Variants in PPFIBP2 observed in about 807,000 individuals in gnomAD.
The protein encoded by PPFIBP2 is PPFIB scaffold protein 2, also known as liprin-beta-2.
Under a neutral mutation model 118.3 loss-of-function variants are expected in PPFIBP2, and 118 were observed. The observed-to-expected ratio is 1.00, with a 90% CI of 0.86 to 1.16. The LOEUF is 1.16. PPFIBP2 is among the 50% of genes most tolerant of loss of function. The probability of loss-of-function intolerance (pLI) is 0.00; values close to 1 mark genes in which losing one functional copy is unlikely to be tolerated. For missense variants in PPFIBP2, 1,195 were observed against 1,073.1 expected (o/e 1.11, Z -1.59); for synonymous variants, 414 against 397.4 (o/e 1.04, Z -0.50).
chr11:7,624,018 C>T (rs1849663296), intron 7 of PPFIBP2, among the ~76,000 whole-genome samples: 1 of 152,172 alleles, frequency 6.6e-6, no homozygotes, highest in African/African-American at 2.4e-5. Context: ...AGGGACAGTG[C>T]TTCATTATGA....
At chr11:7,520,317 C>T (rs1346610159) in intron 1 of PPFIBP2, among the ~76,000 whole-genome samples, 2 of 152,076 alleles carry the variant, frequency 1.3e-5, no homozygotes, top group Admixed American at 6.6e-5. Context: ...ACGTGTCTTC[C>T]GGTTGGGGTG....
Position 7,593,232 on chromosome 11 carries a change from CT to C in PPFIBP2, c.372+13del, listed in dbSNP as rs1565019929. 6.2e-7 allele frequency: 1 copy of C among 1,613,352 alleles called. No homozygotes were observed. The highest frequency in any genetic ancestry group is 2.2e-5 in the East Asian group (1 of 44,864). On this transcript the variant is annotated intron_variant, in intron 4 of 23. Coordinates refer to ENST00000299492, the MANE Select transcript of PPFIBP2 (RefSeq NM_003621.5). ...GAGTCCCTCATATTGCAGGTGGGTA[CT>C]TTTTGGTGAGAATCGGCTTATCCTG...
At chr11:7,603,384 G>C (rs549617995) in intron 5 of PPFIBP2, among the ~76,000 whole-genome samples, 57 of 152,354 alleles carry the variant, frequency 3.7e-4, no homozygotes, top group African/African-American at 1.3e-3. Context: ...TCAAACTCGA[G>C]TTGACTACAA....
chr11:7,641,673 T>C, intron 16 of PPFIBP2, 53 bp downstream of exon 16: 4 of 1,567,286 alleles, frequency 2.6e-6, no homozygotes, highest in Non-Finnish European at 3.5e-6. Flanking sequence ...TTCTTTTTGA[T>C]TGGGCAAAGA....
chr11:7,656,141 C>T (rs1401493304), downstream of PPFIBP2, among the ~76,000 whole-genome samples: 1 of 152,158 alleles, frequency 6.6e-6, no homozygotes, highest in East Asian at 1.9e-4. Context: ...ATCCTCCTTG[C>T]CAGGCTTATA....
chr11:7,636,301 C>T (rs899745891), intron 14 of PPFIBP2, among the ~76,000 whole-genome samples: 7 of 141,692 alleles, frequency 4.9e-5, no homozygotes, highest in African/African-American at 1.9e-4. Flanking sequence ...TAAAATGGGG[C>T]ATCTCTGCTC....
chr11:7,626,210 C>T (rs1849983647), intron 8 of PPFIBP2, among the ~76,000 whole-genome samples: 1 of 152,164 alleles, frequency 6.6e-6, no homozygotes, highest in African/African-American at 2.4e-5. Context: ...AAATACCTAA[C>T]TCTTTCATTT....
chr11:7,556,296 G>A (rs111949948), intron 2 of PPFIBP2, among the ~76,000 whole-genome samples: 3,085 of 152,066 alleles, frequency 0.02, 83 homozygotes, highest in African/African-American at 0.067. Context: ...TCTACTAAAA[G>A]TACAAAAAAT....
intron 3 of PPFIBP2, among the ~76,000 whole-genome samples, chr11:7,580,718 T>C (rs1208794765): frequency 6.6e-6 from 1 of 152,216 alleles, no homozygotes; most frequent in African/African-American, 2.4e-5. Context: ...CTCAAAAGTC[T>C]GGATTTCTTT....
At chr11:7,514,171 G>A (rs1259225856) in intron 1 of PPFIBP2, 50 bp downstream of exon 1, 2 of 152,342 alleles carry the variant, frequency 1.3e-5, no homozygotes, top group Non-Finnish European at 2.9e-5. Context: ...TCGGGGTTGG[G>A]ATCCCCGTCG....
chr11:7,598,033 C>G (rs1000446238), intron 5 of PPFIBP2: 1 of 187,474 alleles, frequency 5.3e-6, no homozygotes, highest in African/African-American at 2.3e-5. Context: ...TCAGCTGATT[C>G]TATGCCCCTT....
intron 2 of PPFIBP2, among the ~76,000 whole-genome samples, chr11:7,563,579 G>C (rs1222904473): frequency 1.3e-5 from 2 of 152,144 alleles, no homozygotes; most frequent in Non-Finnish European, 2.9e-5. Context: ...AAGAGTAAAG[G>C]GACCTGGAAT....
chr11:7,543,682 G>A (rs1418589034), intron 1 of PPFIBP2, among the ~76,000 whole-genome samples: 1 of 152,220 alleles, frequency 6.6e-6, no homozygotes, highest in Non-Finnish European at 1.5e-5. Context: ...AATTCAGCGT[G>A]GGTGGAGTAA....
intron 1 of PPFIBP2, among the ~76,000 whole-genome samples, chr11:7,522,056 T>A (rs1849805149): frequency 6.6e-6 from 1 of 152,100 alleles, no homozygotes; most frequent in Non-Finnish European, 1.5e-5. Flanking sequence ...GTGGTAAAAC[T>A]GTTCAGGATG....
At chr11:7,657,088 C>T, downstream of PPFIBP2, 2 of 280,658 alleles carry the variant, frequency 7.1e-6, no homozygotes, top group Non-Finnish European at 1.4e-5. Flanking sequence ...GACATATCAG[C>T]ACACAGACTC....
At chr11:7,564,283 C>T (rs1009976945) in intron 2 of PPFIBP2, among the ~76,000 whole-genome samples, 2 of 152,152 alleles carry the variant, frequency 1.3e-5, no homozygotes, top group Non-Finnish European at 1.5e-5. Flanking sequence ...GATACTCATT[C>T]AGGTATATGT....
intron 3 of PPFIBP2, among the ~76,000 whole-genome samples, chr11:7,578,175 CT>C (rs906686164): frequency 8.5e-5 from 13 of 152,156 alleles, no homozygotes; most frequent in Non-Finnish European, 1.6e-4. Context: ...TGTTCATGCC[CT>C]TTCTTTAGAG....
downstream of PPFIBP2, among the ~76,000 whole-genome samples, chr11:7,658,389 A>G (rs1213769101): frequency 2.0e-4 from 22 of 109,548 alleles, no homozygotes; most frequent in African/African-American, 7.8e-4. Context: ...GAGTGAGAAT[A>G]TGCGGTGTTT....
At chr11:7,598,280 A>C in intron 5 of PPFIBP2, 1 of 322,382 alleles carries the variant, frequency 3.1e-6, no homozygotes, top group Non-Finnish European at 6.1e-6. Flanking sequence ...TTGTATGCTT[A>C]ATATTATATT....
Sources: allele counts gnomAD v4.1 joint callset (sites outside exome capture counted in the v4.1 genomes callset), GRCh38; gene constraint gnomAD v4.1.1; transcripts MANE v1.5; gene names NCBI Gene and HGNC (gene_info 2026-07-23, HGNC 2026-07-21).